The following CELF5 variants were observed in gnomAD, a reference collection of about 807,000 sequenced individuals.
CELF5 encodes the protein CUG-BP and ETR-3 like factor 5.
A neutral mutation model predicts 54.9 loss-of-function variants in CELF5; 6 were observed. The observed-to-expected ratio is 0.11, with a 90% CI of 0.06 to 0.22. The LOEUF is 0.22. Ranked by LOEUF, CELF5 falls within the 10% of genes least tolerant of loss-of-function variation. The pLI, the probability that CELF5 is intolerant of heterozygous loss-of-function variation, is 1.00. For missense variants in CELF5, 401 were observed against 678.6 expected (o/e 0.59, Z 4.54); for synonymous variants, 271 against 290.9 (o/e 0.93, Z 0.70).
intron 2 of CELF5, among the ~76,000 whole-genome samples, chr19:3,272,152 A>G (rs312930): frequency 1.3e-5 from 2 of 151,544 alleles, no homozygotes; most frequent in African/African-American, 2.4e-5. Flanking sequence ...CGGATCACGA[A>G]CTCAGCAGAT....
chr19:3,274,920 C>T (rs2080022634), intron 3 of CELF5, among the ~76,000 whole-genome samples: 1 of 151,854 alleles, frequency 6.6e-6, no homozygotes, highest in South Asian at 2.1e-4. Context: ...TCTCCATCTC[C>T]CTCTGTATCT....
intron 1 of CELF5, among the ~76,000 whole-genome samples, chr19:3,227,075 G>A (rs972087870): frequency 1.3e-5 from 2 of 152,162 alleles, no homozygotes; most frequent in African/African-American, 4.8e-5. Context: ...GTCCGTCTGT[G>A]TGTGAGATAC....
intron 10 of CELF5, among the ~76,000 whole-genome samples, chr19:3,289,830 G>A (rs964639018): frequency 3.3e-5 from 5 of 151,340 alleles, no homozygotes; most frequent in Non-Finnish European, 7.4e-5. Context: ...TCCACACCCA[G>A]CTCATCTGAC....
intron 1 of CELF5, among the ~76,000 whole-genome samples, chr19:3,235,677 G>T (rs1261678080): frequency 5.4e-5 from 7 of 128,798 alleles, no homozygotes; most frequent in Non-Finnish European, 1.2e-4. Context: ...TGGATGGATG[G>T]ATGTGTGGAT....
chr19:3,257,308 G>A (rs539161218), intron 2 of CELF5, among the ~76,000 whole-genome samples: 1 of 152,210 alleles, frequency 6.6e-6, no homozygotes, highest in African/African-American at 2.4e-5. Flanking sequence ...AGTGAGTGAC[G>A]GGGAGTGAGG....
intron 1 of CELF5, among the ~76,000 whole-genome samples, chr19:3,246,189 C>T (rs1210801798): frequency 6.6e-6 from 1 of 152,072 alleles, no homozygotes; most frequent in South Asian, 2.1e-4. Flanking sequence ...CATGGTGAAA[C>T]CCTGTCTCTA....
At chr19:3,245,017 AGT>A (rs1335922945) in intron 1 of CELF5, among the ~76,000 whole-genome samples, 3 of 99,038 alleles carry the variant, frequency 3.0e-5, no homozygotes, top group East Asian at 3.3e-4. Context: ...GTGTGTGTGT[AGT>A]GTGTGGTGTG....
At chr19:3,274,503 G>A (rs2080015756) in intron 3 of CELF5, among the ~76,000 whole-genome samples, 1 of 152,202 alleles carries the variant, frequency 6.6e-6, no homozygotes. Flanking sequence ...GCCCGCGCAT[G>A]GGTGTGTGTG....
chr19:3,251,660 TTTTTTTTTTTTTTTG>T (rs1253667483), intron 2 of CELF5, among the ~76,000 whole-genome samples: 2 of 133,304 alleles, frequency 1.5e-5, no homozygotes. Context: ...TTCTTTTTTT[TTTTTTTTTTTTTTTG>T]TTGTTGTTGT....
intron 1 of CELF5, among the ~76,000 whole-genome samples, chr19:3,231,684 GTGGATGGA>G (rs551061310): frequency 4.2e-5 from 6 of 142,518 alleles, no homozygotes; most frequent in African/African-American, 1.6e-4. Context: ...GAGCAGGTGG[GTGGATGGA>G]TGGATGGATG....
intron 2 of CELF5, among the ~76,000 whole-genome samples, chr19:3,262,966 G>C (rs960028000): frequency 6.6e-6 from 1 of 150,668 alleles, no homozygotes; most frequent in Non-Finnish European, 1.5e-5. Context: ...TAAAAAAATA[G>C]ATAAATTTGT....
At chr19:3,248,663 A>G (rs1016282935) in intron 1 of CELF5, among the ~76,000 whole-genome samples, 2 of 152,060 alleles carry the variant, frequency 1.3e-5, no homozygotes, top group Non-Finnish European at 2.9e-5. Context: ...TGTGAATCTT[A>G]CTGCTGTCAA....
chr19:3,276,981 T>A (rs991009195), intron 4 of CELF5, among the ~76,000 whole-genome samples: 8 of 152,152 alleles, frequency 5.3e-5, no homozygotes, highest in African/African-American at 1.9e-4. Context: ...TGGTTCTGTC[T>A]ATGTGATTTG....
chr19:3,281,219 G>T lies in CELF5; in HGVS notation c.624G>T (p.Val208=). ...QTMPGASSSL[V]VKFADTDKER... is the part of the protein sequence containing the mutation. ...TGCAGGGAGCCTCCTCCAGCCTGGTGGTCAAGTTCGCCGACACGGACAAGG... is the reference window on the plus strand; with the variant it reads ...TGCAGGGAGCCTCCTCCAGCCTGGTTGTCAAGTTCGCCGACACGGACAAGG... The change falls in exon 6 of 13, where the codon GTG becomes GTT. Residue 208 remains valine (V), a synonymous_variant. Coordinates refer to ENST00000292672, the MANE Select transcript of CELF5 (RefSeq NM_021938.4). This position sits in a 1 kb window ranked among gnomAD's most constrained non-coding sequence, Gnocchi z 6.5. 1 of 1,608,108 alleles carries T rather than the reference G, an allele frequency of 6.2e-7. No homozygotes were observed.
intron 1 of CELF5, among the ~76,000 whole-genome samples, chr19:3,230,602 T>C (rs117826935): frequency 0.02 from 3,112 of 152,248 alleles, 56 homozygotes; most frequent in Non-Finnish European, 0.035. Flanking sequence ...GCTTGGACTC[T>C]TTCCTGAGGG....
At chr19:3,264,808 C>T (rs900255019) in intron 2 of CELF5, among the ~76,000 whole-genome samples, 1 of 151,758 alleles carries the variant, frequency 6.6e-6, no homozygotes, top group Non-Finnish European at 1.5e-5. Context: ...CCTCTGCCTC[C>T]CTGATTCAAA....
intron 1 of CELF5, among the ~76,000 whole-genome samples, chr19:3,233,098 A>AAATT (rs1917345660): frequency 6.7e-6 from 1 of 149,684 alleles, no homozygotes; most frequent in Non-Finnish European, 1.5e-5. Flanking sequence ...ATTAAAATTA[A>AAATT]AAATAAATAA....
rs372601473 is a variant in CELF5, at chr19:3,290,624, T to C, written c.1330+250T>C. On this transcript the variant is annotated intron_variant, in intron 11 of 12. Coordinates refer to ENST00000292672, the MANE Select transcript of CELF5 (RefSeq NM_021938.4). ...TGTCGCCCAGGCTGGAGTGCAGTGG[T>C]GCAATCTCGGCTCACTGCAAGCTCT... Among the ~76,000 whole-genome samples the C allele has an allele frequency of 3.2e-3, 475 of 147,132 alleles. 6 individuals carry two copies. The highest frequency in any genetic ancestry group is 0.011 in the African/African-American group (432 of 39,806).
chr19:3,285,318 T>G (rs1287503940), intron 9 of CELF5, among the ~76,000 whole-genome samples: 2 of 137,092 alleles, frequency 1.5e-5, no homozygotes, highest in South Asian at 2.4e-4. Flanking sequence ...CCCCTTACCC[T>G]CCCTCCTGCA....
Sources: allele counts gnomAD v4.1 joint callset (sites outside exome capture counted in the v4.1 genomes callset), GRCh38; gene constraint gnomAD v4.1.1; non-coding constraint Gnocchi (gnomAD v3.1); transcripts MANE v1.5; gene names NCBI Gene and HGNC (gene_info 2026-07-23, HGNC 2026-07-21).